Variants in RARS2 observed in about 807,000 individuals in gnomAD.
The protein encoded by RARS2 is probable arginine--tRNA ligase, mitochondrial.
A neutral mutation model predicts 88.5 loss-of-function variants in RARS2; 67 were observed. The observed-to-expected ratio is 0.76, with a 90% CI of 0.62 to 0.93. The LOEUF (loss-of-function observed/expected upper bound fraction) is 0.93, where lower values mean the gene tolerates loss of function less well. RARS2 is among the 40% of genes least tolerant of loss of function. RARS2 has a pLI of 0.00. For missense variants in RARS2, 664 were observed against 684.2 expected (o/e 0.97, Z 0.33); for synonymous variants, 239 against 230.3 (o/e 1.04, Z -0.34).
At chr6:87,529,483 C>T in intron 10 of RARS2, 59 bp downstream of exon 10, 1 of 1,082,030 alleles carries the variant, frequency 9.2e-7, no homozygotes, top group Non-Finnish European at 1.4e-6. Context: ...TCAAAGGATA[C>T]ATCAATAACA....
chr6:87,521,418 G>A, intron 12 of RARS2, 46 bp downstream of exon 12: 1 of 1,426,552 alleles, frequency 7.0e-7, no homozygotes, highest in East Asian at 2.3e-5. Flanking sequence ...TACCTCTGTA[G>A]TTTTCATGAG....
At chr6:87,575,506 C>G (rs1216019166) in intron 1 of RARS2, among the ~76,000 whole-genome samples, 1 of 152,100 alleles carries the variant, frequency 6.6e-6, no homozygotes, top group Non-Finnish European at 1.5e-5. Context: ...AATAATTCCA[C>G]CACACTGGAG....
chr6:87,536,324 T>A (rs1429718801), intron 8 of RARS2, among the ~76,000 whole-genome samples: 1 of 152,186 alleles, frequency 6.6e-6, no homozygotes, highest in Non-Finnish European at 1.5e-5. Context: ...ATTTAACACT[T>A]GTTAACTTTT....
chr6:87,552,512 C>G (rs1438079952), intron 5 of RARS2, among the ~76,000 whole-genome samples: 1 of 152,142 alleles, frequency 6.6e-6, no homozygotes, highest in Non-Finnish European at 1.5e-5. Flanking sequence ...TCCAGCTTTC[C>G]TTAACTGCTT....
At chr6:87,555,264 CTG>C (rs1426465466) in intron 5 of RARS2, 142 bp downstream of exon 5, 3 of 626,102 alleles carry the variant, frequency 4.8e-6, no homozygotes, top group Non-Finnish European at 8.6e-6. Flanking sequence ...GATTGATTCA[CTG>C]TGATTTCAAG....
chr6:87,542,144 C>T, intron 7 of RARS2, 150 bp from the exon 8 acceptor site: 1 of 632,736 alleles, frequency 1.6e-6, no homozygotes, highest in Non-Finnish European at 2.8e-6. Flanking sequence ...CTTCTATGAC[C>T]CCATAATCTG....
chr6:87,547,707 G>A (rs751778709), intron 6 of RARS2, among the ~76,000 whole-genome samples: 5 of 151,124 alleles, frequency 3.3e-5, no homozygotes, highest in South Asian at 2.1e-4. Flanking sequence ...GCAGTGGTGC[G>A]CAGCTCACTG....
At chr6:87,562,466 T>C (rs1788138589) in intron 4 of RARS2, among the ~76,000 whole-genome samples, 2 of 152,234 alleles carry the variant, frequency 1.3e-5, no homozygotes, top group Admixed American at 6.5e-5. Context: ...TATATGACTA[T>C]ACAGTGCTAT....
intron 5 of RARS2, 80 bp downstream of exon 5, chr6:87,555,328 A>AC (rs1435124835): frequency 3.8e-6 from 4 of 1,059,832 alleles, no homozygotes; most frequent in Non-Finnish European, 5.8e-6. Context: ...ATTTATTAAG[A>AC]CCCCCAAATA....
chr6:87,566,568 C>T (rs894776475), intron 2 of RARS2, among the ~76,000 whole-genome samples: 1 of 152,052 alleles, frequency 6.6e-6, no homozygotes, highest in Non-Finnish European at 1.5e-5. Flanking sequence ...ATGAGGAGAG[C>T]CCAACACAGT....
chr6:87,514,327 AAAT>A lies in RARS2; in HGVS notation c.*83_*85del. 1.0e-6 allele frequency: 1 copy of A among 990,214 alleles called. No homozygotes were observed. Among genetic ancestry groups the A allele is most frequent in the Non-Finnish European group, 1.5e-6 (1 of 661,810 alleles). The allele number at this position is 990,214 out of a possible 1,614,324, so 61.3% of individuals were successfully genotyped here. On this transcript the variant is annotated 3_prime_UTR_variant, in exon 20 of 20. Transcript: ENST00000369536. ...ACTCCATCTCAAAAAAAAAAAAAAA[AAAT>A]TTAAATTTATTCTGAACAGCAAGGC...
At chr6:87,554,689 A>G (rs1187824637) in intron 5 of RARS2, among the ~76,000 whole-genome samples, 1 of 152,120 alleles carries the variant, frequency 6.6e-6, no homozygotes, top group Non-Finnish European at 1.5e-5. Context: ...CTTGGCCTCA[A>G]GTGATCCTCC....
At position 87,578,904 on chromosome 6, in the gene RARS2, G is replaced by C. The variant is rs180888048; in HGVS notation, c.37-9314C>G. ...GAACCTGGGAGGCAGAGGTTGCAGT[G>C]AGCTGAGATCGCACCACTGCACTCC... On this transcript the variant is annotated intron_variant, in intron 1 of 19. Transcript: ENST00000369536. Among the ~76,000 whole-genome samples, 675 of 134,226 alleles carry C rather than the reference G, an allele frequency of 5.0e-3. 2 individuals are homozygous for C. The highest frequency in any genetic ancestry group is 7.8e-3 in the Non-Finnish European group (506 of 65,144). 88.1% of individuals were successfully genotyped at this position (134,226 alleles called of 152,430 possible).
chr6:87,539,306 G>A (rs955524855), intron 8 of RARS2, among the ~76,000 whole-genome samples: 5 of 152,062 alleles, frequency 3.3e-5, no homozygotes, highest in Admixed American at 1.3e-4. Flanking sequence ...TTTCCTCCCC[G>A]TCTAATTAAG....
At chr6:87,517,648 A>C (rs1046165284) in intron 17 of RARS2, among the ~76,000 whole-genome samples, 2 of 152,204 alleles carry the variant, frequency 1.3e-5, no homozygotes, top group African/African-American at 4.8e-5. Flanking sequence ...CATCCCTTCT[A>C]GAGACTAATC....
At chr6:87,530,538 A>T (rs564125707) in intron 9 of RARS2, among the ~76,000 whole-genome samples, 20 of 152,330 alleles carry the variant, frequency 1.3e-4, no homozygotes, top group African/African-American at 4.3e-4. Context: ...AAAAATAAAT[A>T]TGAAAAAGTG....
chr6:87,587,397 T>C (rs139871718), intron 1 of RARS2, among the ~76,000 whole-genome samples: 194 of 152,330 alleles, frequency 1.3e-3, no homozygotes, highest in African/African-American at 3.9e-3. Flanking sequence ...AAAATATTAT[T>C]ATTTATCCTC....
At chr6:87,577,678 T>C (rs758649112) in intron 1 of RARS2, among the ~76,000 whole-genome samples, 16 of 152,200 alleles carry the variant, frequency 1.1e-4, no homozygotes, top group Non-Finnish European at 1.9e-4. Flanking sequence ...TGTGCAGATA[T>C]GGTTACTAAA....
chr6:87,587,006 T>G (rs922008862), intron 1 of RARS2, among the ~76,000 whole-genome samples: 10 of 152,064 alleles, frequency 6.6e-5, no homozygotes, highest in Non-Finnish European at 1.2e-4. Flanking sequence ...CCTCTCAGGT[T>G]CAAGTGATCC....
Sources: gnomAD v4.1 joint callset for allele counts (sites outside exome capture counted in the v4.1 genomes callset) on GRCh38, gnomAD v4.1.1 for gene constraint, MANE v1.5 for transcripts, NCBI Gene and HGNC (gene_info 2026-07-23, HGNC 2026-07-21) for gene names.